Variants in CAPN9 observed in about 807,000 individuals in gnomAD.
The protein encoded by CAPN9 is calpain 9.
CAPN9 carries 81 observed loss-of-function variants against 92.8 expected under a neutral mutation model. That is an observed-to-expected ratio of 0.87 (90% CI 0.73 to 1.05). CAPN9 has a LOEUF of 1.05. CAPN9 is among the 50% of genes least tolerant of loss of function. The pLI is 0.00. For missense variants in CAPN9, 848 were observed against 866.2 expected (o/e 0.98, Z 0.26); for synonymous variants, 304 against 328.0 (o/e 0.93, Z 0.79).
intron 1 of CAPN9, among the ~76,000 whole-genome samples, chr1:230,753,165 G>C (rs1664960039): frequency 6.6e-6 from 1 of 152,154 alleles, no homozygotes; most frequent in African/African-American, 2.4e-5. Flanking sequence ...ACGGAGATCA[G>C]AGTCATTTAA....
chr1:230,765,861 A>G (rs1295645723), intron 4 of CAPN9, among the ~76,000 whole-genome samples: 2 of 152,078 alleles, frequency 1.3e-5, no homozygotes, highest in African/African-American at 2.4e-5. Context: ...TGATTTTTTC[A>G]TGCGGCCTTC....
In CAPN9 at chr1:230,785,978, C is replaced by A. The variant is rs145249261; in HGVS notation, c.1482-3C>A. ...GAGGCAGTGTGTTTTTCTGCCCCTACAGGGATATGGATGGAAATGTAGACA... is the reference window on the plus strand; with the variant it reads ...GAGGCAGTGTGTTTTTCTGCCCCTAAAGGGATATGGATGGAAATGTAGACA... On this transcript the variant is annotated splice_region_variant and splice_polypyrimidine_tract_variant and intron_variant, in intron 11 of 19. Coordinates refer to ENST00000271971, the MANE Select transcript of CAPN9 (RefSeq NM_006615.3). 1.9e-5 allele frequency: 30 copies of A among 1,613,614 alleles called. No individual in the cohort carries two copies. Among genetic ancestry groups the A allele is most frequent in the Non-Finnish European group, 2.5e-5 (30 of 1,179,674 alleles).
At chr1:230,799,326 T>G (rs2102945462) in intron 19 of CAPN9, among the ~76,000 whole-genome samples, 1 of 152,304 alleles carries the variant, frequency 6.6e-6, no homozygotes, top group Non-Finnish European at 1.5e-5. Context: ...GTTTAACCAT[T>G]TACAGAAAGA....
chr1:230,757,832 G>A (rs921012091), intron 2 of CAPN9, among the ~76,000 whole-genome samples: 7 of 152,180 alleles, frequency 4.6e-5, no homozygotes, highest in Non-Finnish European at 7.4e-5. Flanking sequence ...GGAGCATGGC[G>A]AGAGGGAGGT....
chr1:230,752,590 TG>T, intron 1 of CAPN9: 1 of 751,130 alleles, frequency 1.3e-6, no homozygotes, highest in South Asian at 6.0e-5. Flanking sequence ...TGCAGAAGGC[TG>T]GGGGAGGGGA....
intron 6 of CAPN9, among the ~76,000 whole-genome samples, chr1:230,769,838 C>A (rs28741088): frequency 0.016 from 2,472 of 152,184 alleles, 78 homozygotes; most frequent in African/African-American, 0.056. Context: ...TTACAATGAC[C>A]CAGTTCCACT....
chr1:230,761,835 A>G (rs1241953182), intron 3 of CAPN9, among the ~76,000 whole-genome samples: 1 of 151,884 alleles, frequency 6.6e-6, no homozygotes, highest in Non-Finnish European at 1.5e-5. Context: ...ACTCGTTCCA[A>G]CCTCCCTTCC....
At chr1:230,785,935 G>A in intron 11 of CAPN9, 46 bp from the exon 12 acceptor site, 1 of 1,590,112 alleles carries the variant, frequency 6.3e-7, no homozygotes, top group Non-Finnish European at 8.6e-7. Flanking sequence ...GATCCCAATG[G>A]GAAGTTAATC....
At chr1:230,751,585 CAAAGAAAG>C (rs150498348) in intron 1 of CAPN9, among the ~76,000 whole-genome samples, 6 of 57,482 alleles carry the variant, frequency 1.0e-4, no homozygotes, top group South Asian at 6.1e-4. Context: ...AAGAAAGAAA[CAAAGAAAG>C]AAAGAAAGAA....
intron 11 of CAPN9, among the ~76,000 whole-genome samples, chr1:230,785,616 T>C (rs1220069293): frequency 1.3e-5 from 2 of 152,170 alleles, no homozygotes; most frequent in Non-Finnish European, 2.9e-5. Context: ...AATTGTAAGT[T>C]TCCTGAGGCC....
At chr1:230,798,325 T>A in intron 19 of CAPN9, 105 bp downstream of exon 19, 1 of 752,016 alleles carries the variant, frequency 1.3e-6, no homozygotes, top group Non-Finnish European at 2.3e-6. Flanking sequence ...AGGGCTGACA[T>A]CTAGCTGTGG....
At chr1:230,780,433 A>G (rs995440314) in intron 10 of CAPN9, 67 bp from the exon 11 acceptor site, 5 of 1,601,526 alleles carry the variant, frequency 3.1e-6, no homozygotes, top group Admixed American at 1.7e-5. Context: ...CCAAGAGTCC[A>G]TGAATTGTGT....
intron 4 of CAPN9, among the ~76,000 whole-genome samples, chr1:230,763,208 AG>A (rs922196382): frequency 2.6e-5 from 4 of 152,202 alleles, no homozygotes; most frequent in Non-Finnish European, 4.4e-5. Flanking sequence ...ATTTTTAAAA[AG>A]TCGTATATGA....
intron 4 of CAPN9, among the ~76,000 whole-genome samples, chr1:230,764,362 G>A (rs1308600413): frequency 1.3e-5 from 2 of 152,216 alleles, no homozygotes; most frequent in Non-Finnish European, 1.5e-5. Flanking sequence ...GGACATTGGA[G>A]CTCCTCGTTC....
intron 6 of CAPN9, among the ~76,000 whole-genome samples, chr1:230,769,616 C>CCTATCTAT (rs10557166): frequency 3.7e-4 from 43 of 116,070 alleles, no homozygotes; most frequent in East Asian, 1.6e-3. Context: ...CACACACACA[C>CCTATCTAT]CTATCTATCT....
chr1:230,767,260 C>T (rs12027189), intron 4 of CAPN9, among the ~76,000 whole-genome samples: 14,220 of 152,116 alleles, frequency 0.093, 875 homozygotes, highest in East Asian at 0.23. Flanking sequence ...GATGGTAAGT[C>T]GTAGAACCAG....
chr1:230,792,629 C>A, intron 16 of CAPN9, 135 bp downstream of exon 16: 1 of 801,992 alleles, frequency 1.2e-6, no homozygotes, highest in Non-Finnish European at 2.2e-6. Flanking sequence ...GGGAAAACAG[C>A]ATCATGCTAT....
At chr1:230,759,682 G>A in intron 3 of CAPN9, 52 bp downstream of exon 3, 4 of 1,188,122 alleles carry the variant, frequency 3.4e-6, no homozygotes, top group Non-Finnish European at 4.8e-6. Context: ...CCCGGCATGA[G>A]GGCAGGTGCA....
chr1:230,787,542 T>C lies in CAPN9; in HGVS notation c.1539T>C (p.Pro513=). Residue 513 remains proline, a synonymous_variant, in exon 13 of 20, where the codon CCT becomes CCC. Transcript: ENST00000271971. ...TTTAGCCTCCAAAGCCAACTCCACC[T>C]GACCAGGAGACAGAGGAGGAGCAGC... ...DLPEPPKPTP[P]DQETEEEQRF... 6.2e-7 allele frequency: 1 copy of C among 1,614,130 alleles called. No individual in the cohort carries two copies. Among genetic ancestry groups the C allele is most frequent in the South Asian group, 1.1e-5 (1 of 91,082 alleles).
Sources: gnomAD v4.1 joint callset for allele counts (sites outside exome capture counted in the v4.1 genomes callset) on GRCh38, gnomAD v4.1.1 for gene constraint, MANE v1.5 for transcripts, NCBI Gene and HGNC (gene_info 2026-07-23, HGNC 2026-07-21) for gene names.